HSF2: variants seen among roughly 807,000 people sequenced by gnomAD.
HSF2 encodes heat shock factor protein 2.
A neutral mutation model predicts 65.0 loss-of-function variants in HSF2; 21 were observed. The observed-to-expected ratio is 0.32, with a 90% CI of 0.23 to 0.47. The LOEUF (loss-of-function observed/expected upper bound fraction) is 0.47, where lower values mean the gene tolerates loss of function less well. Ranked by LOEUF, HSF2 falls within the 20% of genes least tolerant of loss-of-function variation. The pLI, the probability that HSF2 is intolerant of heterozygous loss-of-function variation, is 1.00. For synonymous variants in HSF2, 225 were observed against 219.1 expected, an observed-to-expected ratio of 1.03 and a Z score of -0.24; for missense variants, 499 against 628.1, an observed-to-expected ratio of 0.79 and a Z score of 2.20.
chr6:122,405,544 T>A (rs1303554212), intron 1 of HSF2, among the ~76,000 whole-genome samples: 2 of 152,136 alleles, frequency 1.3e-5, no homozygotes, highest in African/African-American at 2.4e-5. Flanking sequence ...AAGGCTAAGA[T>A]TCTTACCTTA....
chr6:122,402,122 G>A (rs1463141152), intron 1 of HSF2, among the ~76,000 whole-genome samples: 1 of 152,212 alleles, frequency 6.6e-6, no homozygotes, highest in East Asian at 1.9e-4. Flanking sequence ...TCTTCTTCCA[G>A]TGTGGCCCAG....
intron 1 of HSF2, among the ~76,000 whole-genome samples, chr6:122,409,321 A>G (rs919563860): frequency 2.6e-5 from 4 of 152,022 alleles, no homozygotes; most frequent in African/African-American, 9.7e-5. Context: ...GAAGATCAGG[A>G]CTGAAAAGAG....
At chr6:122,420,459 T>G (rs1239354855) in intron 7 of HSF2, among the ~76,000 whole-genome samples, 1 of 152,008 alleles carries the variant, frequency 6.6e-6, no homozygotes, top group Non-Finnish European at 1.5e-5. Flanking sequence ...CCGTCTCTTG[T>G]CTCCCCTCTT....
In HSF2 at chr6:122,427,896, CT is replaced by C; in HGVS notation, c.1177-4del. On this transcript the variant is annotated splice_polypyrimidine_tract_variant and splice_region_variant and intron_variant, in intron 10 of 12. Coordinates refer to ENST00000368455, the MANE Select transcript of HSF2 (RefSeq NM_004506.4). ...AAACTTATCATCTTTCTTGTTTGGT[CT>C]TTCAGCTTTTCACTAGTTCTGTGCA... 6.3e-7 allele frequency: 1 copy of C among 1,585,114 alleles called. No individual in the cohort carries two copies. Among genetic ancestry groups the C allele is most frequent in the East Asian group, 2.2e-5 (1 of 44,518 alleles).
chr6:122,417,917 T>G (rs502071), intron 5 of HSF2, among the ~76,000 whole-genome samples: 135,093 of 152,054 alleles, frequency 0.89, 60,262 homozygotes, highest in East Asian at 1. Flanking sequence ...CAATTTAGTG[T>G]CTACCCTCCT....
chr6:122,413,483 T>A (rs1287781977), intron 3 of HSF2, 42 bp from the exon 4 acceptor site: 1 of 1,430,636 alleles, frequency 7.0e-7, no homozygotes, highest in South Asian at 1.2e-5. Context: ...CAATCATGGG[T>A]GTTTACTGTT....
At chr6:122,408,785 T>C (rs891727599) in intron 1 of HSF2, among the ~76,000 whole-genome samples, 1 of 152,070 alleles carries the variant, frequency 6.6e-6, no homozygotes, top group Admixed American at 6.6e-5. Context: ...TGTTCTTAAT[T>C]TTTAAAGGGA....
intron 10 of HSF2, among the ~76,000 whole-genome samples, chr6:122,426,487 G>A (rs548867151): frequency 5.3e-5 from 8 of 152,084 alleles, no homozygotes; most frequent in Non-Finnish European, 8.8e-5. Context: ...GCCACTCTCT[G>A]TAGGGACAAA....
chr6:122,422,762 A>G lies in HSF2; in HGVS notation c.875A>G (p.Glu292Gly). ...PDIVIVEDDN[E>G]DEYAPVIQSG... Reference sequence around the variant, plus strand: ...ATTGTCATCGTTGAAGATGACAATGAAGATGAGTATGCACCTGTCATTCAG... The same window carrying G: ...ATTGTCATCGTTGAAGATGACAATGGAGATGAGTATGCACCTGTCATTCAG... Residue 292 changes from glutamate (E) to glycine (G), a missense_variant, in exon 9 of 13, where the codon GAA becomes GGA. Coordinates refer to ENST00000368455, the MANE Select transcript of HSF2 (RefSeq NM_004506.4). 6.2e-7 allele frequency: 1 copy of G among 1,613,446 alleles called. No individual in the cohort carries two copies. Among genetic ancestry groups the G allele is most frequent in the African/African-American group, 1.3e-5 (1 of 75,016 alleles).
chr6:122,424,466 C>T (rs986864199), intron 10 of HSF2, among the ~76,000 whole-genome samples: 2 of 151,986 alleles, frequency 1.3e-5, no homozygotes, highest in East Asian at 1.9e-4. Flanking sequence ...TTTTACAAGC[C>T]TCTCAGGCTA....
chr6:122,408,074 C>T (rs548059348), intron 1 of HSF2, among the ~76,000 whole-genome samples: 22 of 152,194 alleles, frequency 1.4e-4, no homozygotes, highest in African/African-American at 5.3e-4. Context: ...CTAATTACCT[C>T]CCAAAGGCTC....
At chr6:122,422,613 T>A in intron 8 of HSF2, 105 bp from the exon 9 acceptor site, 1 of 1,188,154 alleles carries the variant, frequency 8.4e-7, no homozygotes, top group Non-Finnish European at 1.2e-6. Context: ...ATTTAAGCCT[T>A]TCAGTATGTG....
chr6:122,409,887 C>G (rs952923331), intron 1 of HSF2, among the ~76,000 whole-genome samples: 2 of 151,838 alleles, frequency 1.3e-5, no homozygotes, highest in African/African-American at 4.8e-5. Flanking sequence ...TTTTTCTTCC[C>G]AAATGGAAAA....
intron 10 of HSF2, 124 bp from the exon 11 acceptor site, chr6:122,427,779 T>C (rs1160849097): frequency 2.1e-6 from 1 of 486,590 alleles, no homozygotes; most frequent in East Asian, 3.4e-5. Context: ...CTTGTTTAAC[T>C]GTATAGAAGC....
At chr6:122,408,148 A>AT (rs1223314665) in intron 1 of HSF2, among the ~76,000 whole-genome samples, 1 of 152,066 alleles carries the variant, frequency 6.6e-6, no homozygotes, top group Admixed American at 6.6e-5. Flanking sequence ...GGACACAAAC[A>AT]TTCAGTGGTT....
chr6:122,431,427 T>C lies in HSF2; in HGVS notation c.1231-3T>C. 5.5e-6 allele frequency: 8 copies of C among 1,460,534 alleles called. No homozygotes were observed. The highest frequency in any genetic ancestry group is 7.4e-6 in the Non-Finnish European group (8 of 1,085,690). The allele number at this position is 1,460,534 out of a possible 1,614,324, so 90.5% of individuals were successfully genotyped here. A position where few individuals can be genotyped will look rare whatever the true frequency, so the allele number is the denominator to read the frequency against. ...TACTTATATATATATTTTTTTCTTTTAGTCTGAGAATAAAGGATTAGAAAC... is the reference window on the plus strand; with the variant it reads ...TACTTATATATATATTTTTTTCTTTCAGTCTGAGAATAAAGGATTAGAAAC... On this transcript the variant is annotated splice_region_variant and splice_polypyrimidine_tract_variant and intron_variant, in intron 11 of 12. Transcript: ENST00000368455.
rs1774265845 is a variant in HSF2 at position 122,422,766 on chromosome 6, T to A, written c.879T>A (p.Asp293Glu). 6.2e-7 allele frequency: 1 copy of A among 1,613,210 alleles called. No homozygotes were observed. The highest frequency in any genetic ancestry group is 8.5e-7 in the Non-Finnish European group (1 of 1,179,330). The change falls in exon 9 of 13, where the codon GAT (aspartate) becomes GAA (glutamate). Residue 293 changes from aspartate to glutamate, a missense_variant. Physicochemically the swap from Asp to Glu is conservative, Grantham distance 45. This residue lies in a region of HSF2 where 349 missense variants were observed against 393.5 expected (regional missense o/e 0.89). Transcript: ENST00000368455. ...TCATCGTTGAAGATGACAATGAAGA[T>A]GAGTATGCACCTGTCATTCAGAGTG... ...DIVIVEDDNE[D>E]EYAPVIQSGE...
In HSF2 at chr6:122,399,691, C is replaced by T. The variant is rs1194050454; in HGVS notation, c.-47C>T. On this transcript the variant is annotated 5_prime_UTR_variant, in exon 1 of 13. Transcript: ENST00000368455. ...GCTGCCGTAGCTGCCGCCGCCGCTA[C>T]CACCGCGTTCGGGTGTAGAATTTGG... 1 of 1,536,010 alleles carries T rather than the reference C, an allele frequency of 6.5e-7. No individual in the cohort carries two copies. The highest frequency in any genetic ancestry group is 8.9e-7 in the Non-Finnish European group (1 of 1,117,444).
At chr6:122,412,184 A>C (rs973037676) in intron 1 of HSF2, among the ~76,000 whole-genome samples, 189 bp from the exon 2 acceptor site, 5 of 151,988 alleles carry the variant, frequency 3.3e-5, no homozygotes, top group Non-Finnish European at 5.9e-5. Context: ...GACATCAAAA[A>C]GCTTAGTTGC....
Sources: gnomAD v4.1 joint callset for allele counts (sites outside exome capture counted in the v4.1 genomes callset) on GRCh38, gnomAD v4.1.1 for gene constraint, gnomAD v4.1.1 regional missense constraint, MANE v1.5 for transcripts, NCBI Gene and HGNC (gene_info 2026-07-23, HGNC 2026-07-21) for gene names.